Variants in DOT1L observed in about 807,000 individuals in gnomAD.
The protein encoded by DOT1L is DOT1 like histone lysine methyltransferase.
A neutral mutation model predicts 153.3 loss-of-function variants in DOT1L; 33 were observed. The observed-to-expected ratio is 0.22, with a 90% confidence interval of 0.16 to 0.29. DOT1L has a LOEUF of 0.29. Among genes scored for constraint, DOT1L ranks in the 10% least tolerant of loss-of-function variants. DOT1L has a pLI of 1.00. For missense variants in DOT1L, 1,847 were observed against 2,119.9 expected (o/e 0.87, Z 2.53); for synonymous variants, 1,135 against 965.1 (o/e 1.18, Z -3.26).
intron 14 of DOT1L, 77 bp downstream of exon 14, chr19:2,210,932 C>T: frequency 8.5e-6 from 13 of 1,537,746 alleles, no homozygotes; most frequent in Middle Eastern, 3.5e-4. Flanking sequence ...GGACGCTGCC[C>T]TCCTGAGCCC....
intron 18 of DOT1L, 64 bp downstream of exon 18, chr19:2,214,050 C>G (rs1435270601): frequency 2.8e-5 from 44 of 1,559,940 alleles, no homozygotes; most frequent in Non-Finnish European, 3.5e-5. Flanking sequence ...GCGGGTGTGT[C>G]CTCTGTGCGG....
chr19:2,184,950 C>T (rs2022422476), intron 2 of DOT1L, among the ~76,000 whole-genome samples: 1 of 152,188 alleles, frequency 6.6e-6, no homozygotes. Context: ...TTCTTTCCAG[C>T]CCTTTGCGTC....
At chr19:2,211,910 C>G (rs2023728470) in intron 16 of DOT1L, 68 bp downstream of exon 16, 2 of 1,441,454 alleles carry the variant, frequency 1.4e-6, no homozygotes, top group South Asian at 1.3e-5. Flanking sequence ...TCCTGGGCAT[C>G]TGTCCCCTGT....
intron 1 of DOT1L, among the ~76,000 whole-genome samples, chr19:2,177,945 T>C (rs1478136182): frequency 1.3e-5 from 2 of 150,482 alleles, no homozygotes; most frequent in African/African-American, 4.9e-5. Context: ...TTTTTTGAGA[T>C]GGATTCTCAC....
intron 19 of DOT1L, 184 bp from the exon 20 acceptor site, chr19:2,216,097 A>G (rs554050678): frequency 9.3e-6 from 7 of 756,356 alleles, no homozygotes; most frequent in African/African-American, 1.8e-5. Flanking sequence ...GGCCCTCCAC[A>G]TGACTTTATT....
Position 2,220,641 on chromosome 19 carries a change from G to A in DOT1L, c.2806+419G>A, listed in dbSNP as rs1389474739. ...GTTTCTGGTTCCTTGAGAAGGTGCC[G>A]CCTGAGCAGTCTCTGCTGTTAGCCC... On this transcript the variant is annotated intron_variant, in intron 23 of 27. Transcript: ENST00000398665. This position sits in a 1 kb window ranked among gnomAD's most constrained non-coding sequence, Gnocchi z 4.5. 4 of 413,762 alleles carry A rather than the reference G, an allele frequency of 9.7e-6. No homozygotes were observed. The highest frequency in any genetic ancestry group is 5.1e-5 in the South Asian group (3 of 59,010). The allele number at this position is 413,762 out of a possible 1,614,324, so 25.6% of individuals were successfully genotyped here.
rs771357790 is a variant in DOT1L at position 2,210,405 on chromosome 19, A to G, written c.1011A>G (p.Glu337=). Residue 337 remains glutamate (E), a synonymous_variant, in exon 13 of 28, where the codon GAA becomes GAG. Coordinates refer to ENST00000398665, the MANE Select transcript of DOT1L (RefSeq NM_032482.3). ...SSLKNPKLRE[E]QEAARRRQQR... Reference sequence around the variant, plus strand: ...TCAACCTGCTCTCCTTCCAGGAGGAACAGGAGGCAGCCCGGCGCCGCCAGC... The same window carrying G: ...TCAACCTGCTCTCCTTCCAGGAGGAGCAGGAGGCAGCCCGGCGCCGCCAGC... 93 of 1,538,252 alleles carry G rather than the reference A, an allele frequency of 6.0e-5. No individual in the cohort carries two copies. The highest frequency in any genetic ancestry group is 8.0e-5 in the Non-Finnish European group (92 of 1,144,454).
intron 12 of DOT1L, among the ~76,000 whole-genome samples, chr19:2,209,308 T>A (rs2023622739): frequency 6.6e-6 from 1 of 152,166 alleles, no homozygotes; most frequent in South Asian, 2.1e-4. Context: ...CCTGTCTTCA[T>A]GCTTTGCCTT....
chr19:2,209,763 G>A (rs1008193241), intron 12 of DOT1L, among the ~76,000 whole-genome samples: 10 of 152,196 alleles, frequency 6.6e-5, no homozygotes, highest in East Asian at 3.9e-4. Context: ...GGAGAACCCC[G>A]TACAGGAAGG....
intron 2 of DOT1L, among the ~76,000 whole-genome samples, chr19:2,184,070 C>T (rs895899959): frequency 5.9e-5 from 9 of 152,208 alleles, no homozygotes; most frequent in East Asian, 5.8e-4. Context: ...CGCAGAACCA[C>T]GGGACTGAGT....
chr19:2,211,046 C>T, intron 14 of DOT1L, 53 bp from the exon 15 acceptor site: 1 of 1,558,320 alleles, frequency 6.4e-7, no homozygotes. Flanking sequence ...GACGCCTCTG[C>T]CCACCGCTCT....
At chr19:2,226,045 T>G in intron 26 of DOT1L, 138 bp from the exon 27 acceptor site, 1 of 919,270 alleles carries the variant, frequency 1.1e-6, no homozygotes, top group Non-Finnish European at 1.6e-6. Flanking sequence ...TCCCATCCTG[T>G]CCCGCTTGGC....
chr19:2,199,834 G>GGGGA, intron 7 of DOT1L, 50 bp from the exon 8 acceptor site: 1 of 1,356,674 alleles, frequency 7.4e-7, no homozygotes. Flanking sequence ...GGCGGGCTGG[G>GGGGA]AGTGCCAGGG....
chr19:2,174,579 G>A (rs1156234374), intron 1 of DOT1L, among the ~76,000 whole-genome samples: 3 of 152,192 alleles, frequency 2.0e-5, no homozygotes, highest in Non-Finnish European at 4.4e-5. Flanking sequence ...CCAGCTACTT[G>A]GGAGGCTGAG....
chr19:2,198,842 G>A (rs896495899), intron 7 of DOT1L, among the ~76,000 whole-genome samples: 1 of 152,180 alleles, frequency 6.6e-6, no homozygotes, highest in Non-Finnish European at 1.5e-5. Flanking sequence ...CTCACTGAGC[G>A]TGGCGTCCTC....
intron 27 of DOT1L, chr19:2,228,990 C>G: frequency 4.1e-6 from 4 of 985,414 alleles, no homozygotes; most frequent in Non-Finnish European, 4.8e-6. Context: ...GCTCTGTGCC[C>G]TGCGTGTTGA....
Position 2,210,560 on chromosome 19 carries a change from C to T in DOT1L, c.1116+50C>T, listed in dbSNP as rs199766645. ...TGCTGGAGGGCACCCGCCCCCTGCC[C>T]GGGAGACCCCATGGGTGGGAGGCTC... On this transcript the variant is annotated intron_variant, in intron 13 of 27. Coordinates refer to ENST00000398665, the MANE Select transcript of DOT1L (RefSeq NM_032482.3). 1.5e-4 allele frequency: 238 copies of T among 1,590,942 alleles called. No individual in the cohort carries two copies. The African/African-American group carries it at 2.0e-3, about 13-fold the overall frequency.
chr19:2,230,022 A>G lies in DOT1L; in HGVS notation c.*230A>G. 1.5e-6 allele frequency: 1 copy of G among 684,264 alleles called. No homozygotes were observed. The highest frequency in any genetic ancestry group is 2.0e-5 in the South Asian group (1 of 50,740). 42.4% of individuals were successfully genotyped at this position (684,264 alleles called of 1,614,324 possible). On this transcript the variant is annotated 3_prime_UTR_variant, in exon 28 of 28. Coordinates refer to ENST00000398665, the MANE Select transcript of DOT1L (RefSeq NM_032482.3). ...TTATCATTTTTTAAAAAGTATAAAC[A>G]ATTCTGACTTATTTTATTCCATCTA...
rs1055259491 is a variant in DOT1L, at chr19:2,164,083, GCCTCCCGCCCCTC to G, written c.-91_-79del. 2.0e-5 allele frequency: 3 copies of G among 148,312 alleles called. No homozygotes were observed. The highest frequency in any genetic ancestry group is 1.9e-4 in the South Asian group (1 of 5,286). 9.2% of individuals were successfully genotyped at this position (148,312 alleles called of 1,614,324 possible). On this transcript the variant is annotated 5_prime_UTR_variant, in exon 1 of 28. Transcript: ENST00000398665. ...GCCGAGGCCAGGCCCCCTCCCCTCA[GCCTCCCGCCCCTC>G]CCTCCCGCCCGCCCTCCTCCGCCCA...
Sources: gnomAD v4.1 joint callset for allele counts (sites outside exome capture counted in the v4.1 genomes callset) on GRCh38, gnomAD v4.1.1 for gene constraint, Gnocchi (gnomAD v3.1) non-coding constraint, MANE v1.5 for transcripts, NCBI Gene and HGNC (gene_info 2026-07-23, HGNC 2026-07-21) for gene names.